The following PCDHA12 variants were observed in gnomAD, a reference collection of about 807,000 sequenced individuals.
PCDHA12 encodes the protein protocadherin alpha-12.
PCDHA12 carries 44 observed loss-of-function variants against 60.0 expected under a neutral mutation model. The observed-to-expected ratio is 0.73, with a 90% confidence interval of 0.58 to 0.94. PCDHA12 has a LOEUF of 0.94. Ranked by LOEUF, PCDHA12 falls within the 40% of genes least tolerant of loss-of-function variation. The probability of loss-of-function intolerance (pLI) is 0.00; values close to 1 mark genes in which losing one functional copy is unlikely to be tolerated. For synonymous variants in PCDHA12, 569 were observed against 553.0 expected (o/e 1.03, Z -0.40); for missense variants, 1,276 against 1,239.7 (o/e 1.03, Z -0.44).
intron 1 of PCDHA12, chr5:140,969,368 G>A: frequency 6.2e-7 from 1 of 1,608,874 alleles, no homozygotes; most frequent in Non-Finnish European, 8.5e-7. Flanking sequence ...ACAAACTCAT[G>A]CATTTGTTAC....
In PCDHA12 at chr5:140,875,363, A is replaced by G; in HGVS notation, c.-110A>G. 1 of 1,449,052 alleles carries G rather than the reference A, an allele frequency of 6.9e-7. No homozygotes were observed. Among genetic ancestry groups the G allele is most frequent in the Non-Finnish European group, 9.1e-7 (1 of 1,102,098 alleles). 89.8% of individuals were successfully genotyped at this position (1,449,052 alleles called of 1,614,324 possible). On this transcript the variant is annotated 5_prime_UTR_variant, in exon 1 of 4. Transcript: ENST00000398631. ...CTCCATAATGACTGTGATGCTGGAA[A>G]AAATTTACTAAATATGTACTTACAG...
intron 3 of PCDHA12, among the ~76,000 whole-genome samples, chr5:140,999,452 G>A (rs141442204): frequency 6.4e-4 from 97 of 152,234 alleles, no homozygotes; most frequent in African/African-American, 2.1e-3. Flanking sequence ...TTCGTTCAAC[G>A]AATAAGTGGT....
rs70988781 is a variant in PCDHA12 at position 140,941,319 on chromosome 5, CTT to C, written c.2368-37616_2368-37615del. Among the ~76,000 whole-genome samples, 109 of 104,374 alleles carry C rather than the reference CTT, an allele frequency of 1.0e-3. 2 individuals are homozygous for C. Among genetic ancestry groups the C allele is most frequent in the East Asian group, 2.8e-3 (11 of 3,932 alleles). The allele number at this position is 104,374 out of a possible 152,430, so 68.5% of individuals were successfully genotyped here. A position where few individuals can be genotyped will look rare whatever the true frequency, so the allele number is the denominator to read the frequency against. ...TTCTTTCTTTCTTTTTCTTCTTTCT[CTT>C]TTTTTTTTTTTTTCAGATGGAGTCT... On this transcript the variant is annotated intron_variant, in intron 1 of 3. Coordinates refer to ENST00000398631, the MANE Select transcript of PCDHA12 (RefSeq NM_018903.4).
Position 140,989,317 on chromosome 5 carries a change from C to T in PCDHA12, c.2515+6754C>T, listed in dbSNP as rs184467267. Among the ~76,000 whole-genome samples, 489 of 152,240 alleles carry T rather than the reference C, an allele frequency of 3.2e-3. 2 individuals carry two copies. Among genetic ancestry groups the T allele is most frequent in the African/African-American group, 0.011 (440 of 41,530 alleles). Reference sequence around the variant, plus strand: ...AAAGGGCCAAGGAAGTAGGGTCTCACCAACTTTGCCACCTGACTCAGCTCA... The same window carrying T: ...AAAGGGCCAAGGAAGTAGGGTCTCATCAACTTTGCCACCTGACTCAGCTCA... On this transcript the variant is annotated intron_variant, in intron 3 of 3. Transcript: ENST00000398631.
At position 140,881,397 on chromosome 5, in the gene PCDHA12, T is replaced by C. The variant is rs571341331; in HGVS notation, c.2367+3558T>C. On this transcript the variant is annotated intron_variant, in intron 1 of 3. Transcript: ENST00000398631. ...CAGCCGGCGGCGGTAAGTTAAATTC[T>C]ATTAAATCAATAGGATATTAGTTCC... 20 of 979,006 alleles carry C rather than the reference T, an allele frequency of 2.0e-5. No homozygotes were observed. In the African/African-American group the frequency reaches 3.5e-4, roughly 17 times the overall value. 60.6% of individuals were successfully genotyped at this position (979,006 alleles called of 1,614,324 possible). A position where few individuals can be genotyped will look rare whatever the true frequency, so the allele number is the denominator to read the frequency against.
At chr5:140,886,860 C>T (rs1363871264) in intron 1 of PCDHA12, among the ~76,000 whole-genome samples, 1 of 151,304 alleles carries the variant, frequency 6.6e-6, no homozygotes, top group East Asian at 1.9e-4. Flanking sequence ...AAGGTCTTCC[C>T]AACTCCTATA....
intron 1 of PCDHA12, among the ~76,000 whole-genome samples, chr5:140,924,898 AAAAAAAATAAAAT>A (rs1214088536): frequency 1.9e-4 from 10 of 53,034 alleles, no homozygotes; most frequent in Non-Finnish European, 1.3e-4. Context: ...CTGTCTCAAA[AAAAAAAATAAAAT>A]AAAATAAAAT....
At chr5:140,947,083 A>G (rs1268359945) in intron 1 of PCDHA12, among the ~76,000 whole-genome samples, 2 of 151,728 alleles carry the variant, frequency 1.3e-5, no homozygotes, top group Non-Finnish European at 3.0e-5. Context: ...TTGAAACATC[A>G]GACTGTAGCC....
At chr5:140,962,174 C>T (rs1365738124) in intron 1 of PCDHA12, among the ~76,000 whole-genome samples, 1 of 152,100 alleles carries the variant, frequency 6.6e-6, no homozygotes, top group Admixed American at 6.6e-5. Context: ...CACACCCGGC[C>T]ACTTATATCA....
intron 1 of PCDHA12, among the ~76,000 whole-genome samples, chr5:140,962,286 T>C (rs1209495659): frequency 1.3e-5 from 2 of 152,224 alleles, no homozygotes; most frequent in Admixed American, 6.5e-5. Context: ...CCTCAACCTT[T>C]AATATTCTAT....
intron 1 of PCDHA12, chr5:140,967,400 C>T: frequency 6.2e-7 from 1 of 1,611,718 alleles, no homozygotes; most frequent in South Asian, 1.1e-5. Context: ...GCTGGTGCTG[C>T]GTAAGGGCCT....
At chr5:140,877,958 C>A in intron 1 of PCDHA12, 119 bp downstream of exon 1, 1 of 1,319,110 alleles carries the variant, frequency 7.6e-7, no homozygotes, top group Non-Finnish European at 1.0e-6. Flanking sequence ...AATGTCTCAT[C>A]TTTCTTGGTC....
At chr5:140,950,860 G>A (rs529625926) in intron 1 of PCDHA12, among the ~76,000 whole-genome samples, 25 of 151,860 alleles carry the variant, frequency 1.6e-4, no homozygotes, top group African/African-American at 5.8e-4. Context: ...TCATATTCTT[G>A]TATATTCTAT....
rs1039422866 is a variant in PCDHA12 at position 140,928,669 on chromosome 5, A to G, written c.2368-50280A>G. 6 of 1,614,042 alleles carry G rather than the reference A, an allele frequency of 3.7e-6. No homozygotes were observed. The African/African-American group carries it at 6.7e-5, about 18-fold the overall frequency. On this transcript the variant is annotated intron_variant, in intron 1 of 3. Transcript: ENST00000398631. ...AGCAGAGGATGCTGACAGTGGTTCT[A>G]ATGCCTGGCTTTCCTACCACATCTC...
chr5:140,917,314 G>A (rs1554197960), intron 1 of PCDHA12, among the ~76,000 whole-genome samples: 1 of 142,492 alleles, frequency 7.0e-6, no homozygotes, highest in African/African-American at 2.6e-5. Context: ...ACAATTTGGT[G>A]TTCATGTGGC....
chr5:140,879,467 C>T (rs1331120758), intron 1 of PCDHA12, among the ~76,000 whole-genome samples: 1 of 152,040 alleles, frequency 6.6e-6, no homozygotes, highest in Admixed American at 6.6e-5. Context: ...TAAGAGAATA[C>T]CGTTGTGATT....
At chr5:140,988,959 C>G (rs1308701267) in intron 3 of PCDHA12, 3 of 152,056 alleles carry the variant, frequency 2.0e-5, no homozygotes, top group Non-Finnish European at 4.4e-5. Context: ...CCTTCAAGCC[C>G]CACGATGGAG....
In PCDHA12 at chr5:140,877,172, C is replaced by A. The variant is rs371577720; in HGVS notation, c.1700C>A (p.Ala567Glu). Reference sequence around the variant, plus strand: ...AACGACAACGCGCCGGCACTGCTGGCGACTCCGGCTGGCAGCGCAGGAGGC... The same window carrying A: ...AACGACAACGCGCCGGCACTGCTGGAGACTCCGGCTGGCAGCGCAGGAGGC... ...DENDNAPALL[A>E]TPAGSAGGAV... The change falls in exon 1 of 4, where the codon GCG becomes GAG. Residue 567 changes from alanine to glutamate, a missense_variant. Coordinates refer to ENST00000398631, the MANE Select transcript of PCDHA12 (RefSeq NM_018903.4). The A allele has an allele frequency of 6.2e-7, 1 of 1,613,818 alleles. No individual in the cohort carries two copies.
chr5:140,967,745 G>T, intron 1 of PCDHA12: 1 of 1,614,184 alleles, frequency 6.2e-7, no homozygotes, highest in Non-Finnish European at 8.5e-7. Flanking sequence ...GGATTATGAG[G>T]AAGCCTCCTC....
Sources: allele counts gnomAD v4.1 joint callset (sites outside exome capture counted in the v4.1 genomes callset), GRCh38; gene constraint gnomAD v4.1.1; transcripts MANE v1.5; gene names NCBI Gene and HGNC (gene_info 2026-07-23, HGNC 2026-07-21).